The following GAREM1 variants were observed in gnomAD, a reference collection of about 807,000 sequenced individuals.
GAREM1 encodes the protein GRB2 associated regulator of MAPK1 subtype 1, also known as GRB2-associated and regulator of MAPK protein 1.
In GAREM1, 26 loss-of-function variants were observed where a neutral mutation model predicts 71.3. The observed-to-expected ratio is 0.36, with a 90% CI of 0.27 to 0.51. The LOEUF (loss-of-function observed/expected upper bound fraction) is 0.51, where lower values mean the gene tolerates loss of function less well. Among genes scored for constraint, GAREM1 ranks in the 20% least tolerant of loss-of-function variants. The probability of loss-of-function intolerance (pLI) is 0.95; values close to 1 mark genes in which losing one functional copy is unlikely to be tolerated. For missense variants in GAREM1, 1,026 were observed against 1,103.1 expected (o/e 0.93, Z 0.99); for synonymous variants, 440 against 433.2 (o/e 1.02, Z -0.20).
intron 2 of GAREM1, among the ~76,000 whole-genome samples, chr18:32,385,206 A>G (rs911158953): frequency 6.7e-6 from 1 of 150,168 alleles, no homozygotes; most frequent in African/African-American, 2.5e-5. Flanking sequence ...TAAAATTTTT[A>G]TATTTACTTT....
intron 1 of GAREM1, among the ~76,000 whole-genome samples, chr18:32,414,915 G>A (rs967007738): frequency 1.3e-5 from 2 of 151,700 alleles, no homozygotes; most frequent in Admixed American, 6.6e-5. Context: ...CCAATTAAAC[G>A]AAAAGTTGGC....
At chr18:32,370,289 G>A (rs1233789690) in intron 2 of GAREM1, among the ~76,000 whole-genome samples, 3 of 151,906 alleles carry the variant, frequency 2.0e-5, no homozygotes, top group Non-Finnish European at 4.4e-5. Context: ...TTAGCTGGAC[G>A]TGGTGGCGCA....
intron 2 of GAREM1, among the ~76,000 whole-genome samples, chr18:32,317,777 C>T (rs1382059961): frequency 6.7e-6 from 1 of 149,876 alleles, no homozygotes; most frequent in Non-Finnish European, 1.5e-5. Context: ...AGTATTACTA[C>T]CTCCTCTGTG....
intron 2 of GAREM1, among the ~76,000 whole-genome samples, chr18:32,343,475 A>G (rs1337722268): frequency 6.6e-6 from 1 of 151,802 alleles, no homozygotes; most frequent in Admixed American, 6.6e-5. Context: ...CCAATTTTGT[A>G]TCTGTGGTAG....
rs1218971480 is a variant in GAREM1, at chr18:32,459,327, AT to A, written c.121+10980del. Among the ~76,000 whole-genome samples the A allele has an allele frequency of 8.2e-3, 1,205 of 147,496 alleles. 21 individuals carry two copies. Among genetic ancestry groups the A allele is most frequent in the African/African-American group, 0.027 (1,103 of 40,430 alleles). On this transcript the variant is annotated intron_variant, in intron 1 of 5. Transcript: ENST00000269209. Reference sequence around the variant, plus strand: ...AACTCTCTGTGTTGTATAAGCCGCTATTTTTTTTTTTCATCTATCTTACACA... The same window carrying A: ...AACTCTCTGTGTTGTATAAGCCGCTATTTTTTTTTTCATCTATCTTACACA...
In GAREM1 at chr18:32,267,621, C is replaced by T. The variant is rs1438452535; in HGVS notation, c.*250G>A. The T allele has an allele frequency of 2.9e-6, 1 of 342,860 alleles. No individual in the cohort carries two copies. Among genetic ancestry groups the T allele is most frequent in the Non-Finnish European group, 5.2e-6 (1 of 191,280 alleles). 21.2% of individuals were successfully genotyped at this position (342,860 alleles called of 1,614,324 possible). On this transcript the variant is annotated 3_prime_UTR_variant, in exon 6 of 6. Transcript: ENST00000269209. Reference sequence around the variant, plus strand: ...GATTTCTCTGCACATGCCTTTTTTTCTTTTAGCAGCTGCTGAGTGTTTGTT... The same window carrying T: ...GATTTCTCTGCACATGCCTTTTTTTTTTTTAGCAGCTGCTGAGTGTTTGTT...
chr18:32,368,005 C>T (rs1023399218), intron 2 of GAREM1, among the ~76,000 whole-genome samples: 1 of 152,116 alleles, frequency 6.6e-6, no homozygotes, highest in African/African-American at 2.4e-5. Flanking sequence ...CTCTAAACAT[C>T]TCCAGTACAT....
intron 1 of GAREM1, among the ~76,000 whole-genome samples, chr18:32,423,745 T>C (rs2048544416): frequency 6.6e-6 from 1 of 152,226 alleles, no homozygotes; most frequent in Non-Finnish European, 1.5e-5. Flanking sequence ...ATCTAAATCT[T>C]ACATTCCCTT....
intron 3 of GAREM1, among the ~76,000 whole-genome samples, chr18:32,296,413 T>C (rs1020466269): frequency 6.6e-6 from 1 of 152,212 alleles, no homozygotes; most frequent in African/African-American, 2.4e-5. Flanking sequence ...ACAATACTAT[T>C]ACATAAAGTA....
intron 2 of GAREM1, among the ~76,000 whole-genome samples, chr18:32,353,492 T>C (rs1167535067): frequency 6.6e-6 from 1 of 152,216 alleles, no homozygotes; most frequent in South Asian, 2.1e-4. Context: ...GTCACACTTT[T>C]ATAAGTCCTC....
At chr18:32,391,306 T>C (rs1166210815) in intron 2 of GAREM1, among the ~76,000 whole-genome samples, 2 of 152,074 alleles carry the variant, frequency 1.3e-5, no homozygotes, top group African/African-American at 4.8e-5. Context: ...AAGATCAGTT[T>C]GGAGAAGTAG....
intron 1 of GAREM1, among the ~76,000 whole-genome samples, chr18:32,429,149 C>T (rs764037775): frequency 2.0e-4 from 31 of 152,214 alleles, no homozygotes; most frequent in Non-Finnish European, 3.5e-4. Flanking sequence ...TTTATTATCT[C>T]CATCAATTAA....
intron 1 of GAREM1, among the ~76,000 whole-genome samples, chr18:32,452,845 A>C (rs1599058672): frequency 7.3e-6 from 1 of 136,288 alleles, no homozygotes; most frequent in Non-Finnish European, 1.6e-5. Context: ...TATACTTATA[A>C]CTTCTACGTT....
At chr18:32,463,935 T>C (rs111549795) in intron 1 of GAREM1, among the ~76,000 whole-genome samples, 18,635 of 144,908 alleles carry the variant, frequency 0.13, 1,287 homozygotes, top group South Asian at 0.19. Flanking sequence ...TATACAACTA[T>C]AGGTACAAAA....
chr18:32,284,720 C>T (rs2046991203), intron 4 of GAREM1, among the ~76,000 whole-genome samples: 1 of 151,230 alleles, frequency 6.6e-6, no homozygotes, highest in African/African-American at 2.4e-5. Flanking sequence ...CCTCAAGTTC[C>T]AGGAGTACTT....
chr18:32,437,483 G>A (rs557814748), intron 1 of GAREM1, among the ~76,000 whole-genome samples: 3 of 152,312 alleles, frequency 2.0e-5, no homozygotes, highest in Admixed American at 2.0e-4. Context: ...ACACATTTGA[G>A]GGGTTATCCC....
chr18:32,277,719 A>G (rs555674230), intron 4 of GAREM1, among the ~76,000 whole-genome samples: 1 of 152,226 alleles, frequency 6.6e-6, no homozygotes, highest in East Asian at 1.9e-4. Context: ...TACAGTTCTA[A>G]CTCTTGCTTA....
intron 1 of GAREM1, among the ~76,000 whole-genome samples, chr18:32,436,042 C>T (rs917445982): frequency 6.6e-6 from 1 of 152,070 alleles, no homozygotes; most frequent in African/African-American, 2.4e-5. Context: ...TAATTTTCCT[C>T]TGATAAAGGG....
At chr18:32,321,987 T>C (rs914339955) in intron 2 of GAREM1, among the ~76,000 whole-genome samples, 3 of 152,174 alleles carry the variant, frequency 2.0e-5, no homozygotes, top group African/African-American at 7.2e-5. Flanking sequence ...AACCTGGGGA[T>C]AGTATCAGAG....
Sources: allele counts gnomAD v4.1 joint callset (sites outside exome capture counted in the v4.1 genomes callset), GRCh38; gene constraint gnomAD v4.1.1; transcripts MANE v1.5; gene names NCBI Gene and HGNC (gene_info 2026-07-23, HGNC 2026-07-21).